LRP1B: variants seen among roughly 807,000 people sequenced by gnomAD.
LRP1B encodes LDL receptor related protein 1B, also known as low-density lipoprotein receptor-related protein 1B.
Under a neutral mutation model 556.6 loss-of-function variants are expected in LRP1B, and 217 were observed. That is an observed-to-expected ratio of 0.39 (90% confidence interval 0.35 to 0.44). LRP1B has a LOEUF of 0.44. LRP1B is among the 20% of genes least tolerant of loss of function. LRP1B has a pLI of 1.00. For missense variants in LRP1B, 5,053 were observed against 5,620.8 expected (o/e 0.90, Z 3.23); for synonymous variants, 2,047 against 1,865.8 (o/e 1.10, Z -2.50).
At chr2:141,874,434 C>A (rs568684511) in intron 1 of LRP1B, among the ~76,000 whole-genome samples, 1 of 151,824 alleles carries the variant, frequency 6.6e-6, no homozygotes, top group South Asian at 2.1e-4. Context: ...AAATGACAAA[C>A]AACTTTGGAC....
chr2:141,762,927 A>T (rs559767282), intron 2 of LRP1B, among the ~76,000 whole-genome samples: 1 of 152,346 alleles, frequency 6.6e-6, no homozygotes, highest in South Asian at 2.1e-4. Context: ...GTGAACTGCT[A>T]TGCATAGCTT....
intron 82 of LRP1B, among the ~76,000 whole-genome samples, chr2:140,316,997 G>A (rs939507018): frequency 6.6e-6 from 1 of 152,100 alleles, no homozygotes; most frequent in East Asian, 1.9e-4. Context: ...TGCCCAGAAG[G>A]TTTACAGAGG....
chr2:142,111,783 A>G (rs1384614730), intron 1 of LRP1B, among the ~76,000 whole-genome samples: 1 of 152,122 alleles, frequency 6.6e-6, no homozygotes, highest in Non-Finnish European at 1.5e-5. Flanking sequence ...GACTACTACT[A>G]TTATAACAAA....
At chr2:140,744,015 T>C (rs550340887) in intron 35 of LRP1B, among the ~76,000 whole-genome samples, 2 of 92,984 alleles carry the variant, frequency 2.2e-5, no homozygotes, top group South Asian at 3.8e-4. Context: ...TCCATAGACA[T>C]AGACTAAAAC....
intron 43 of LRP1B, among the ~76,000 whole-genome samples, chr2:140,547,619 T>C (rs922674263): frequency 6.6e-6 from 1 of 152,078 alleles, no homozygotes; most frequent in Non-Finnish European, 1.5e-5. Context: ...CTGGTTTCAT[T>C]TGGAACAAAT....
chr2:140,802,825 T>TA, intron 32 of LRP1B, among the ~76,000 whole-genome samples: 1 of 152,344 alleles, frequency 6.6e-6, no homozygotes, highest in South Asian at 2.1e-4. Flanking sequence ...AGACCATTTT[T>TA]AAAAACCCTC....
intron 79 of LRP1B, among the ~76,000 whole-genome samples, chr2:140,326,625 G>A (rs1287049429): frequency 6.6e-6 from 1 of 151,928 alleles, no homozygotes; most frequent in East Asian, 1.9e-4. Flanking sequence ...TGAGGCAGGA[G>A]AATCACTTGA....
At chr2:140,437,747 A>G (rs1238785760) in intron 66 of LRP1B, among the ~76,000 whole-genome samples, 1 of 152,226 alleles carries the variant, frequency 6.6e-6, no homozygotes, top group Non-Finnish European at 1.5e-5. Flanking sequence ...ACATAGTTGT[A>G]TAATTACGTA....
chr2:140,520,977 C>T (rs1356071682), intron 49 of LRP1B, among the ~76,000 whole-genome samples: 2 of 150,868 alleles, frequency 1.3e-5, no homozygotes, highest in African/African-American at 4.9e-5. Flanking sequence ...AAGACTGGTC[C>T]TTCATATTAA....
intron 1 of LRP1B, among the ~76,000 whole-genome samples, chr2:141,992,547 A>G (rs560370027): frequency 5.3e-5 from 8 of 152,288 alleles, no homozygotes; most frequent in Admixed American, 2.6e-4. Flanking sequence ...CTTGTTACAG[A>G]AAAATACATA....
At chr2:140,876,168 G>T (rs1490199861) in intron 25 of LRP1B, among the ~76,000 whole-genome samples, 1 of 152,122 alleles carries the variant, frequency 6.6e-6, no homozygotes, top group Non-Finnish European at 1.5e-5. Flanking sequence ...TAACTGCATG[G>T]ACTGAATTAA....
intron 3 of LRP1B, among the ~76,000 whole-genome samples, chr2:141,436,351 G>A (rs1023704627): frequency 1.3e-5 from 2 of 152,070 alleles, no homozygotes; most frequent in Non-Finnish European, 2.9e-5. Flanking sequence ...AATTATATAT[G>A]GAATCTAAAA....
intron 41 of LRP1B, among the ~76,000 whole-genome samples, chr2:140,664,273 C>G (rs934727637): frequency 1.1e-4 from 16 of 152,136 alleles, no homozygotes; most frequent in African/African-American, 3.9e-4. Flanking sequence ...CAGACTTGCT[C>G]AATGCAAGAT....
intron 43 of LRP1B, among the ~76,000 whole-genome samples, chr2:140,572,292 C>T (rs1681352529): frequency 2.0e-5 from 3 of 150,720 alleles, no homozygotes; most frequent in Non-Finnish European, 4.4e-5. Flanking sequence ...AAAAGCTCAA[C>T]AGAAAAAAAA....
intron 32 of LRP1B, among the ~76,000 whole-genome samples, chr2:140,797,037 A>G (rs1055496090): frequency 6.6e-6 from 1 of 152,170 alleles, no homozygotes; most frequent in South Asian, 2.1e-4. Context: ...TGTACTGATG[A>G]TTATTCATTT....
chr2:141,386,057 A>G (rs1689825426), intron 3 of LRP1B, among the ~76,000 whole-genome samples: 1 of 152,178 alleles, frequency 6.6e-6, no homozygotes, highest in African/African-American at 2.4e-5. Context: ...TGGCTAAGAT[A>G]GTGACAGCTT....
chr2:141,393,648 G>A (rs1690136227), intron 3 of LRP1B, among the ~76,000 whole-genome samples: 1 of 152,062 alleles, frequency 6.6e-6, no homozygotes, highest in Non-Finnish European at 1.5e-5. Context: ...GCTCAGGCTT[G>A]GACTGGGTCG....
Position 140,457,654 on chromosome 2 carries a change from G to T in LRP1B, c.9626-3C>A, listed in dbSNP as rs763251290. ...CCCTGGAATATCTTGATTAGGGACT[G>T]TAATAGGAGATGGTAAGATTAATGT... On this transcript the variant is annotated splice_polypyrimidine_tract_variant and splice_region_variant and intron_variant, in intron 60 of 90. Coordinates refer to ENST00000389484, the MANE Select transcript of LRP1B (RefSeq NM_018557.3). The T allele has an allele frequency of 1.9e-6, 3 of 1,607,140 alleles. No individual in the cohort carries two copies. The Admixed American group carries it at 5.0e-5, about 27-fold the overall frequency.
chr2:140,746,512 G>T (rs1487392587), intron 35 of LRP1B, among the ~76,000 whole-genome samples: 1 of 152,058 alleles, frequency 6.6e-6, no homozygotes, highest in Non-Finnish European at 1.5e-5. Context: ...AATTTAGTTT[G>T]ACTCATAGTT....
Sources: gnomAD v4.1 joint callset for allele counts (sites outside exome capture counted in the v4.1 genomes callset) on GRCh38, gnomAD v4.1.1 for gene constraint, MANE v1.5 for transcripts, NCBI Gene and HGNC (gene_info 2026-07-23, HGNC 2026-07-21) for gene names.